Variants in NR6A1 observed in about 807,000 individuals in gnomAD.
NR6A1 encodes retinoic acid receptor-related testis-associated receptor.
A neutral mutation model predicts 59.1 loss-of-function variants in NR6A1; 7 were observed. The observed-to-expected ratio is 0.12, with a 90% CI of 0.07 to 0.22. The LOEUF (loss-of-function observed/expected upper bound fraction) is 0.22, where lower values mean the gene tolerates loss of function less well. NR6A1 is among the 10% of genes least tolerant of loss of function. The probability of loss-of-function intolerance (pLI) is 1.00; values close to 1 mark genes in which losing one functional copy is unlikely to be tolerated. For synonymous variants in NR6A1, 243 were observed against 236.1 expected (o/e 1.03, Z -0.27); for missense variants, 468 against 611.6 (o/e 0.77, Z 2.48).
intron 2 of NR6A1, among the ~76,000 whole-genome samples, chr9:124,727,191 T>G (rs1247755094): frequency 6.6e-6 from 1 of 152,228 alleles, no homozygotes; most frequent in East Asian, 1.9e-4. Flanking sequence ...TGTCATCTTA[T>G]TTTCCCTGAG....
At chr9:124,720,839 G>C (rs947206875) in intron 2 of NR6A1, among the ~76,000 whole-genome samples, 2 of 152,094 alleles carry the variant, frequency 1.3e-5, no homozygotes, top group Non-Finnish European at 2.9e-5. Flanking sequence ...TTAATCTAGG[G>C]TATCCCCCCA....
chr9:124,715,630 T>C (rs1248329702), intron 2 of NR6A1, among the ~76,000 whole-genome samples: 1 of 151,918 alleles, frequency 6.6e-6, no homozygotes, highest in Non-Finnish European at 1.5e-5. Flanking sequence ...TACAATTCAA[T>C]CAAAATCTCA....
At chr9:124,532,585 C>T (rs1022618056) in intron 7 of NR6A1, among the ~76,000 whole-genome samples, 6 of 152,308 alleles carry the variant, frequency 3.9e-5, no homozygotes, top group African/African-American at 1.4e-4. Flanking sequence ...AGTAAATGGC[C>T]ATGGAATCAG....
chr9:124,550,914 G>C (rs1382284822), intron 3 of NR6A1, among the ~76,000 whole-genome samples: 1 of 152,006 alleles, frequency 6.6e-6, no homozygotes, highest in Admixed American at 6.6e-5. Context: ...ATTCCTTTCG[G>C]TATGAACTCA....
intron 2 of NR6A1, among the ~76,000 whole-genome samples, chr9:124,560,609 G>A (rs1834058929): frequency 6.6e-6 from 1 of 152,188 alleles, no homozygotes; most frequent in Non-Finnish European, 1.5e-5. Flanking sequence ...CGCCCAGGCT[G>A]GAGTGCAATG....
chr9:124,573,451 T>C (rs1483728085), intron 2 of NR6A1, among the ~76,000 whole-genome samples: 1 of 152,204 alleles, frequency 6.6e-6, no homozygotes. Flanking sequence ...TTCTGCCTAC[T>C]AGACCTAACT....
intron 2 of NR6A1, among the ~76,000 whole-genome samples, chr9:124,718,362 A>C (rs1434689076): frequency 6.6e-6 from 1 of 152,248 alleles, no homozygotes; most frequent in Non-Finnish European, 1.5e-5. Context: ...CAGGGTTGCA[A>C]GTAGAAGCCT....
intron 1 of NR6A1, among the ~76,000 whole-genome samples, chr9:124,765,112 A>G (rs911731920): frequency 1.3e-5 from 2 of 152,242 alleles, no homozygotes; most frequent in Non-Finnish European, 2.9e-5. Flanking sequence ...TTTAAAGTTA[A>G]TTCTTAATGT....
At chr9:124,574,849 A>G (rs1011279872) in intron 2 of NR6A1, among the ~76,000 whole-genome samples, 2 of 152,210 alleles carry the variant, frequency 1.3e-5, no homozygotes, top group African/African-American at 2.4e-5. Context: ...AATGCAATAG[A>G]ATTTATTACC....
intron 9 of NR6A1, among the ~76,000 whole-genome samples, chr9:124,523,205 T>TA (rs1832843009): frequency 6.6e-6 from 1 of 152,180 alleles, no homozygotes; most frequent in African/African-American, 2.4e-5. Flanking sequence ...ATTTTCTAAG[T>TA]AATATTCTAT....
chr9:124,587,467 A>G (rs1359321590), intron 2 of NR6A1, among the ~76,000 whole-genome samples: 1 of 152,224 alleles, frequency 6.6e-6, no homozygotes, highest in East Asian at 1.9e-4. Flanking sequence ...TCAGCTCCCT[A>G]GGTCCCTTCA....
At chr9:124,573,514 C>A (rs754468612) in intron 2 of NR6A1, among the ~76,000 whole-genome samples, 1 of 152,182 alleles carries the variant, frequency 6.6e-6, no homozygotes, top group Non-Finnish European at 1.5e-5. Flanking sequence ...ACAACATGGT[C>A]CCCTAAGCTT....
At chr9:124,725,714 G>A (rs1839694114) in intron 2 of NR6A1, among the ~76,000 whole-genome samples, 1 of 152,176 alleles carries the variant, frequency 6.6e-6, no homozygotes, top group Admixed American at 6.5e-5. Flanking sequence ...AAGGCAGGAG[G>A]ATCACTTGAG....
chr9:124,640,148 T>C (rs1382906806), intron 2 of NR6A1, among the ~76,000 whole-genome samples: 1 of 152,140 alleles, frequency 6.6e-6, no homozygotes, highest in Non-Finnish European at 1.5e-5. Flanking sequence ...ATTATCTTAA[T>C]CCAGAGGAAT....
intron 2 of NR6A1, among the ~76,000 whole-genome samples, chr9:124,570,972 T>C (rs1209392092): frequency 1.3e-5 from 2 of 152,252 alleles, no homozygotes; most frequent in East Asian, 3.8e-4. Context: ...AGAGCCCCTC[T>C]ATGCCCTTTA....
rs531586387 is a variant in NR6A1, at chr9:124,581,057, T to C, written c.143-26487A>G. 1.0e-3 allele frequency among the ~76,000 whole-genome samples: 157 copies of C among 152,168 alleles called. 1 individual carries two copies. Among genetic ancestry groups the C allele is most frequent in the African/African-American group, 3.7e-3 (153 of 41,530 alleles). Reference sequence around the variant, plus strand: ...TGGTGCTGGAAGAACTGGCTAGCCATATGCAGAAAATTGAAATTGGATCCC... The same window carrying C: ...TGGTGCTGGAAGAACTGGCTAGCCACATGCAGAAAATTGAAATTGGATCCC... On this transcript the variant is annotated intron_variant, in intron 2 of 9. Transcript: ENST00000487099.
At chr9:124,538,011 A>C in intron 6 of NR6A1, 81 bp downstream of exon 6, 1 of 1,143,826 alleles carries the variant, frequency 8.7e-7, no homozygotes, top group Non-Finnish European at 1.3e-6. Flanking sequence ...AGCCACGGGT[A>C]TAGGAGCCAG....
intron 2 of NR6A1, among the ~76,000 whole-genome samples, chr9:124,673,000 G>A (rs1564229893): frequency 2.6e-5 from 4 of 152,132 alleles, no homozygotes; most frequent in Admixed American, 1.3e-4. Flanking sequence ...GTTTGCCCAA[G>A]AGTGAGTGAC....
chr9:124,639,394 C>A (rs1355079873), intron 2 of NR6A1, among the ~76,000 whole-genome samples: 1 of 152,182 alleles, frequency 6.6e-6, no homozygotes, highest in East Asian at 1.9e-4. Context: ...CTTACTGAAG[C>A]CCAGCAATCC....
Sources: gnomAD v4.1 joint callset for allele counts (sites outside exome capture counted in the v4.1 genomes callset) on GRCh38, gnomAD v4.1.1 for gene constraint, MANE v1.5 for transcripts, NCBI Gene and HGNC (gene_info 2026-07-23, HGNC 2026-07-21) for gene names.